HIVEP1: variants seen among roughly 807,000 people sequenced by gnomAD.
HIVEP1 encodes the protein HIVEP zinc finger 1, also known as zinc finger protein 40.
In HIVEP1, 36 loss-of-function variants were observed where a neutral mutation model predicts 180.0. That is an observed-to-expected ratio of 0.20 (90% CI 0.15 to 0.26). The LOEUF (loss-of-function observed/expected upper bound fraction) is 0.26, where lower values mean the gene tolerates loss of function less well. Among genes scored for constraint, HIVEP1 ranks in the 10% least tolerant of loss-of-function variants. The pLI is 1.00. For missense variants in HIVEP1, 3,143 were observed against 3,268.7 expected, an observed-to-expected ratio of 0.96 and a Z score of 0.94; for synonymous variants, 1,239 against 1,239.0, an observed-to-expected ratio of 1.00 and a Z score of 0.00.
rs527386164 is a variant in HIVEP1 at position 12,118,333 on chromosome 6, C to T, written c.95-1557C>T. Among the ~76,000 whole-genome samples the T allele has an allele frequency of 3.9e-5, 6 of 152,176 alleles. No homozygotes were observed. The East Asian group carries it at 9.6e-4, about 24-fold the overall frequency. Reference sequence around the variant, plus strand: ...GTCTAATATGAATTTCAAATATGTACGTTGCAACAGCTATTTGAAAATAGT... The same window carrying T: ...GTCTAATATGAATTTCAAATATGTATGTTGCAACAGCTATTTGAAAATAGT... On this transcript the variant is annotated intron_variant, in intron 3 of 8. Coordinates refer to ENST00000379388, the MANE Select transcript of HIVEP1 (RefSeq NM_002114.4).
At position 12,125,589 on chromosome 6, in the gene HIVEP1, G is replaced by T; in HGVS notation, c.5794G>T (p.Ala1932Ser). 1 of 1,614,184 alleles carries T rather than the reference G, an allele frequency of 6.2e-7. No homozygotes were observed. Among genetic ancestry groups the T allele is most frequent in the African/African-American group, 1.3e-5 (1 of 75,044 alleles). ...LFNIKDTQQL[A>S]FPSLKTTTNF... is the part of the protein sequence containing the mutation. ...TAACATCAAGGACACCCAGCAGCTG[G>T]CTTTCCCTAGCCTGAAAACTACAAC... The change falls in exon 4 of 9, where the codon GCT becomes TCT. Residue 1932 changes from alanine (A) to serine (S), a missense_variant. Physicochemically the swap from Ala to Ser is moderately conservative, Grantham distance 99. Coordinates refer to ENST00000379388, the MANE Select transcript of HIVEP1 (RefSeq NM_002114.4).
Position 12,161,872 on chromosome 6 carries a change from T to C in HIVEP1, c.6921T>C (p.Pro2307=). 1 of 1,613,734 alleles carries C rather than the reference T, an allele frequency of 6.2e-7. No individual in the cohort carries two copies. Among genetic ancestry groups the C allele is most frequent in the East Asian group, 2.2e-5 (1 of 44,876 alleles). The change falls in exon 8 of 9, where the codon CCT becomes CCC. Residue 2307 remains proline, a synonymous_variant. Coordinates refer to ENST00000379388, the MANE Select transcript of HIVEP1 (RefSeq NM_002114.4). The stretch of plus-strand genomic sequence containing the variant: ...GTCATCAGATGTCTGTGGACTACCC[T>C]GAGTCAGAAGAAATTCTGAGAAGTT... ...SPCHQMSVDY[P]ESEEILRSSM... is the part of the protein sequence containing the mutation.
chr6:12,086,352 A>G (rs547305354), intron 2 of HIVEP1, among the ~76,000 whole-genome samples: 1 of 152,268 alleles, frequency 6.6e-6, no homozygotes, highest in Admixed American at 6.5e-5. Context: ...TGGGCTTCAG[A>G]TTTACTGACG....
intron 3 of HIVEP1, among the ~76,000 whole-genome samples, chr6:12,108,452 G>C (rs561519166): frequency 6.6e-6 from 1 of 152,170 alleles, no homozygotes; most frequent in Non-Finnish European, 1.5e-5. Flanking sequence ...GGCGCTCATC[G>C]GGGAGGCTTG....
chr6:12,128,159 A>G (rs1758206247), intron 4 of HIVEP1, among the ~76,000 whole-genome samples: 1 of 152,260 alleles, frequency 6.6e-6, no homozygotes, highest in South Asian at 2.1e-4. Flanking sequence ...GGGGAATTTG[A>G]TATTGAAAAT....
chr6:12,047,832 C>G (rs546004391), intron 2 of HIVEP1, among the ~76,000 whole-genome samples: 151 of 152,326 alleles, frequency 9.9e-4, no homozygotes, highest in Non-Finnish European at 1.2e-3. Context: ...CGCTTGCAGT[C>G]ATGGAACCCT....
chr6:12,126,189 T>C lies in HIVEP1; in HGVS notation c.6075+319T>C, dbSNP rs375688400. Among the ~76,000 whole-genome samples, 95 of 152,370 alleles carry C rather than the reference T, an allele frequency of 6.2e-4. 4 individuals are homozygous for C. The highest frequency in any genetic ancestry group is 2.2e-3 in the African/African-American group (90 of 41,588). On this transcript the variant is annotated intron_variant, in intron 4 of 8. Coordinates refer to ENST00000379388, the MANE Select transcript of HIVEP1 (RefSeq NM_002114.4). ...TGGTTTTACTTTGATGTTTTACTTA[T>C]ATTGAGGTTTTGTTTTTCTTGTTAA... is the stretch of plus-strand genomic sequence containing the variant.
intron 6 of HIVEP1, among the ~76,000 whole-genome samples, chr6:12,133,428 A>T (rs949370492): frequency 5.9e-5 from 9 of 152,232 alleles, no homozygotes; most frequent in African/African-American, 1.7e-4. Context: ...AAAATTATTT[A>T]TTAAATTAAC....
the HIVEP1 span, among the ~76,000 whole-genome samples, chr6:12,208,812 C>T: frequency 6.6e-6 from 1 of 152,188 alleles, no homozygotes; most frequent in East Asian, 1.9e-4. Context: ...TGATCTCAGA[C>T]TCCTCCAAAA....
At chr6:12,168,240 T>A (rs1581824927), downstream of HIVEP1, among the ~76,000 whole-genome samples, 60 of 89,808 alleles carry the variant, frequency 6.7e-4, 3 homozygotes, top group South Asian at 0.021. Context: ...TACATATATA[T>A]TATATATACA....
intron 3 of HIVEP1, among the ~76,000 whole-genome samples, chr6:12,102,421 C>T (rs1366773340): frequency 6.6e-6 from 1 of 152,148 alleles, no homozygotes; most frequent in African/African-American, 2.4e-5. Flanking sequence ...AATTAGAACT[C>T]AGTAACAGAA....
Position 12,124,823 on chromosome 6 carries a change from A to G in HIVEP1, c.5028A>G (p.Val1676=), listed in dbSNP as rs1362869323. The G allele has an allele frequency of 6.2e-7, 1 of 1,614,220 alleles. No homozygotes were observed. The highest frequency in any genetic ancestry group is 1.7e-5 in the Admixed American group (1 of 60,034). The change falls in exon 4 of 9, where the codon GTA becomes GTG. Residue 1676 remains valine, a synonymous_variant. Coordinates refer to ENST00000379388, the MANE Select transcript of HIVEP1 (RefSeq NM_002114.4). The part of the protein sequence containing the change: ...NQPICQTNHS[V]VPISEEQNSV... ...CAATTTGCCAGACTAATCATAGTGT[A>G]GTGCCAATCAGTGAAGAACAAAATT...
At chr6:12,151,081 T>C (rs1047829828) in intron 7 of HIVEP1, among the ~76,000 whole-genome samples, 5 of 152,208 alleles carry the variant, frequency 3.3e-5, no homozygotes, top group Non-Finnish European at 5.9e-5. Context: ...CATCTTCAAA[T>C]AATAACTTTT....
rs772292927 is a variant in HIVEP1 at position 12,089,166 on chromosome 6, T to C, written c.41-18T>C. On this transcript the variant is annotated intron_variant, in intron 2 of 8. Transcript: ENST00000379388. ...TTTAAGGTAAATTAATTTATAAATT[T>C]TTCTCTGTTTTTCTTAGACAAAATT... 1.2e-5 allele frequency: 16 copies of C among 1,387,772 alleles called. No individual in the cohort carries two copies. The highest frequency in any genetic ancestry group is 1.6e-5 in the Non-Finnish European group (16 of 983,146). 86.0% of individuals were successfully genotyped at this position (1,387,772 alleles called of 1,614,324 possible). A position where few individuals can be genotyped will look rare whatever the true frequency, so the allele number is the denominator to read the frequency against.
chr6:12,019,036 A>C (rs1768016339), intron 2 of HIVEP1, among the ~76,000 whole-genome samples: 1 of 152,200 alleles, frequency 6.6e-6, no homozygotes, highest in Non-Finnish European at 1.5e-5. Flanking sequence ...AGCGTTTAGG[A>C]AGTTGTTTGA....
chr6:12,086,432 T>C (rs1773128464), intron 2 of HIVEP1, among the ~76,000 whole-genome samples: 1 of 152,130 alleles, frequency 6.6e-6, no homozygotes, highest in African/African-American at 2.4e-5. Flanking sequence ...GAAACTATTA[T>C]TTATTTCTGA....
chr6:12,060,109 A>G (rs1468700410), intron 2 of HIVEP1, among the ~76,000 whole-genome samples: 1 of 152,184 alleles, frequency 6.6e-6, no homozygotes, highest in Admixed American at 6.5e-5. Flanking sequence ...AGCTATTTCA[A>G]TTGGAATTCT....
intron 2 of HIVEP1, among the ~76,000 whole-genome samples, chr6:12,087,061 G>C (rs941514695): frequency 6.6e-6 from 1 of 152,170 alleles, no homozygotes; most frequent in East Asian, 1.9e-4. Flanking sequence ...ACCTATTGAC[G>C]TGGAGCTATA....
chr6:12,012,632 G>C (rs1245420586), intron 1 of HIVEP1, 66 bp downstream of exon 1: 1 of 148,732 alleles, frequency 6.7e-6, no homozygotes, highest in Admixed American at 6.6e-5. Flanking sequence ...AGGGGGGGGG[G>C]GGCAGGAGCA....
Sources: allele counts gnomAD v4.1 joint callset (sites outside exome capture counted in the v4.1 genomes callset), GRCh38; gene constraint gnomAD v4.1.1; transcripts MANE v1.5; gene names NCBI Gene and HGNC (gene_info 2026-07-23, HGNC 2026-07-21).